The following NSMCE1 variants were observed in gnomAD, a reference collection of about 807,000 sequenced individuals.
NSMCE1 encodes non-structural maintenance of chromosomes element 1 homolog.
NSMCE1 carries 18 observed loss-of-function variants against 29.6 expected under a neutral mutation model. That is an observed-to-expected ratio of 0.61 (90% CI 0.42 to 0.90). NSMCE1 has a LOEUF of 0.90. NSMCE1 is among the 40% of genes least tolerant of loss of function. The probability of loss-of-function intolerance (pLI) is 0.00; values close to 1 mark genes in which losing one functional copy is unlikely to be tolerated. For missense variants in NSMCE1, 314 were observed against 343.6 expected (o/e 0.91, Z 0.68); for synonymous variants, 124 against 133.4 (o/e 0.93, Z 0.49).
intron 2 of NSMCE1, chr16:27,257,215 C>T (rs1477488552): frequency 9.5e-6 from 4 of 420,104 alleles, no homozygotes; most frequent in Non-Finnish European, 1.7e-5. Flanking sequence ...CAGCTTTAGA[C>T]TCTAAGTTTT....
chr16:27,240,206 A>C (rs755661419), intron 2 of NSMCE1, among the ~76,000 whole-genome samples: 4 of 152,192 alleles, frequency 2.6e-5, no homozygotes, highest in African/African-American at 9.7e-5. Context: ...CCCCACCGTC[A>C]TCTCGTCTAT....
chr16:27,253,819 G>C (rs1309721246), intron 2 of NSMCE1, among the ~76,000 whole-genome samples: 1 of 152,194 alleles, frequency 6.6e-6, no homozygotes, highest in Non-Finnish European at 1.5e-5. Context: ...AAAAATCTAA[G>C]GTCCTCTAAG....
chr16:27,244,974 TATAAA>T (rs1427448547), intron 2 of NSMCE1, among the ~76,000 whole-genome samples: 1 of 152,206 alleles, frequency 6.6e-6, no homozygotes, highest in Non-Finnish European at 1.5e-5. Context: ...CCCTGTGGTC[TATAAA>T]ATAATTCCTA....
At chr16:27,261,515 T>C (rs1396370833) in intron 1 of NSMCE1, among the ~76,000 whole-genome samples, 1 of 152,190 alleles carries the variant, frequency 6.6e-6, no homozygotes, top group African/African-American at 2.4e-5. Flanking sequence ...TCAAAACTAA[T>C]GAATGAATTA....
intron 1 of NSMCE1, among the ~76,000 whole-genome samples, chr16:27,260,857 T>TAAAAAAAAAAA (rs1219528347): frequency 1.8e-5 from 1 of 54,230 alleles, no homozygotes; most frequent in African/African-American, 1.0e-4. Flanking sequence ...AGACCCTGTC[T>TAAAAAAAAAAA]CAAAAAAAAA....
intron 2 of NSMCE1, chr16:27,241,216 C>T (rs998331271): frequency 6.6e-6 from 1 of 152,232 alleles, no homozygotes; most frequent in East Asian, 1.9e-4. Flanking sequence ...ATTGGGAAGT[C>T]TACTGCCCTG....
intron 2 of NSMCE1, among the ~76,000 whole-genome samples, chr16:27,249,587 TG>T (rs1355316960): frequency 6.6e-6 from 1 of 152,234 alleles, no homozygotes; most frequent in Non-Finnish European, 1.5e-5. Context: ...CACCTATGTG[TG>T]GGTCTGTTAT....
intron 2 of NSMCE1, chr16:27,241,875 A>C: frequency 4.4e-6 from 2 of 455,206 alleles, no homozygotes; most frequent in Non-Finnish European, 8.8e-6. Flanking sequence ...GAGGTCAGAG[A>C]GATGAAGGAC....
intron 2 of NSMCE1, among the ~76,000 whole-genome samples, chr16:27,238,328 C>CCAGCCTCCTGATCCTCTGG (rs2083850540): frequency 6.6e-6 from 1 of 152,146 alleles, no homozygotes; most frequent in Non-Finnish European, 1.5e-5. Flanking sequence ...TGGCTGGACC[C>CCAGCCTCCTGATCCTCTGG]CAGCCTCCTG....
intron 1 of NSMCE1, chr16:27,266,750 T>C (rs1488044372): frequency 6.6e-6 from 1 of 151,562 alleles, no homozygotes; most frequent in Non-Finnish European, 1.5e-5. Context: ...TCAAAGAAAA[T>C]AGAGGCTCAG....
rs181849150 is a variant in NSMCE1 at position 27,237,747 on chromosome 16, G to C, written c.137-2448C>G. ...GCATTCTGATCTATTGGACTTTCCA[G>C]ACACCCCGTTGCAGGGAGGGAGCCA... On this transcript the variant is annotated intron_variant, in intron 2 of 7. Transcript: ENST00000361439. Among the ~76,000 whole-genome samples, 26 of 152,328 alleles carry C rather than the reference G, an allele frequency of 1.7e-4. No individual in the cohort carries two copies. In the East Asian group the frequency reaches 4.8e-3, roughly 28 times the overall value.
intron 2 of NSMCE1, among the ~76,000 whole-genome samples, chr16:27,244,649 C>T (rs1032122856): frequency 2.9e-5 from 4 of 136,986 alleles, no homozygotes; most frequent in Non-Finnish European, 6.6e-5. Flanking sequence ...CCACATATGG[C>T]AGCTCCACAG....
intron 6 of NSMCE1, chr16:27,226,335 C>T (rs904734804): frequency 3.0e-5 from 7 of 234,216 alleles, no homozygotes; most frequent in South Asian, 1.5e-4. Flanking sequence ...TCAATGTCCA[C>T]GCTGGTTCAG....
chr16:27,258,919 T>G (rs573720857), intron 1 of NSMCE1, among the ~76,000 whole-genome samples: 2 of 151,708 alleles, frequency 1.3e-5, no homozygotes, highest in Non-Finnish European at 2.9e-5. Flanking sequence ...CCTGACTAAT[T>G]TTCGTATTTT....
chr16:27,225,071 A>G lies in NSMCE1; in HGVS notation c.*86T>C, dbSNP rs781371100. ...AGACGAAAGAGGTGACTCGCGTGGA[A>G]CCTGAAACACGGACGCCTTTCTTCC... On this transcript the variant is annotated 3_prime_UTR_variant, in exon 8 of 8. Transcript: ENST00000361439. The G allele has an allele frequency of 1.3e-4, 101 of 758,664 alleles. No individual in the cohort carries two copies. The highest frequency in any genetic ancestry group is 2.1e-4 in the Non-Finnish European group (91 of 431,736). The allele number at this position is 758,664 out of a possible 1,614,324, so 47.0% of individuals were successfully genotyped here.
At chr16:27,250,849 T>G (rs1446497743) in intron 2 of NSMCE1, among the ~76,000 whole-genome samples, 2 of 149,182 alleles carry the variant, frequency 1.3e-5, no homozygotes, top group Non-Finnish European at 3.0e-5. Flanking sequence ...AACTGTTTTT[T>G]TTTTTTTTTT....
rs899701779 is a variant in NSMCE1, at chr16:27,257,579, G to A, written c.-9C>T. The stretch of plus-strand genomic sequence containing the variant: ...CTTGTGCTGCCCTGCATGTGGGAAC[G>A]AACTGAAAAGGAAGTAAATGACACT... On this transcript the variant is annotated splice_region_variant and 5_prime_UTR_variant, in exon 2 of 8. Coordinates refer to ENST00000361439, the MANE Select transcript of NSMCE1 (RefSeq NM_145080.4). The A allele has an allele frequency of 1.2e-6, 2 of 1,607,162 alleles. No individual in the cohort carries two copies. Among genetic ancestry groups the A allele is most frequent in the African/African-American group, 1.3e-5 (1 of 74,676 alleles).
intron 1 of NSMCE1, among the ~76,000 whole-genome samples, chr16:27,263,224 C>T (rs938744655): frequency 2.0e-5 from 3 of 152,144 alleles, no homozygotes; most frequent in African/African-American, 7.2e-5. Flanking sequence ...AAATATTCTA[C>T]CATAAAGACA....
At position 27,232,675 on chromosome 16, in the gene NSMCE1, C is replaced by T. The variant is rs1311092514; in HGVS notation, c.483+326G>A. Among the ~76,000 whole-genome samples, 5 of 152,254 alleles carry T rather than the reference C, an allele frequency of 3.3e-5. No homozygotes were observed. The highest frequency in any genetic ancestry group is 1.2e-4 in the African/African-American group (5 of 41,472). ...AGACCCGGGTTAGATGTTAGAGCCA[C>T]ACTCTCAGCCACGGAACTGCCCTGC... On this transcript the variant is annotated intron_variant, in intron 5 of 7. Transcript: ENST00000361439. The surrounding 1 kb of genome is among the most constrained non-coding windows in gnomAD (Gnocchi z 4.5).
Sources: gnomAD v4.1 joint callset for allele counts (sites outside exome capture counted in the v4.1 genomes callset) on GRCh38, gnomAD v4.1.1 for gene constraint, Gnocchi (gnomAD v3.1) non-coding constraint, MANE v1.5 for transcripts, NCBI Gene and HGNC (gene_info 2026-07-23, HGNC 2026-07-21) for gene names.